The following CCDC178 variants were observed in gnomAD, a reference collection of about 807,000 sequenced individuals.
CCDC178 encodes the protein coiled-coil domain containing 178.
In CCDC178, 126 loss-of-function variants were observed where a neutral mutation model predicts 117.4. That is an observed-to-expected ratio of 1.07 (90% CI 0.93 to 1.24). The LOEUF (loss-of-function observed/expected upper bound fraction) is 1.24. CCDC178 is among the 50% of genes most tolerant of loss of function. The pLI, the probability that CCDC178 is intolerant of heterozygous loss-of-function variation, is 0.00. For synonymous variants in CCDC178, 283 were observed against 313.4 expected (o/e 0.90, Z 1.02); for missense variants, 1,030 against 986.9 (o/e 1.04, Z -0.59).
chr18:33,339,773 T>C (rs962144976), intron 9 of CCDC178, among the ~76,000 whole-genome samples: 12 of 152,076 alleles, frequency 7.9e-5, no homozygotes, highest in African/African-American at 2.9e-4. Context: ...TCCTCATTTT[T>C]CTCTTGCCAC....
At chr18:33,132,431 T>C (rs907657506) in intron 20 of CCDC178, among the ~76,000 whole-genome samples, 3 of 151,748 alleles carry the variant, frequency 2.0e-5, no homozygotes, top group Non-Finnish European at 3.0e-5. Flanking sequence ...TATTACGTTG[T>C]TTTTTCTTTT....
At chr18:33,168,705 G>A (rs996713761) in intron 20 of CCDC178, among the ~76,000 whole-genome samples, 24 of 152,214 alleles carry the variant, frequency 1.6e-4, no homozygotes, top group African/African-American at 4.6e-4. Context: ...TGTTTAACCC[G>A]AACTTACTTA....
intron 20 of CCDC178, among the ~76,000 whole-genome samples, chr18:33,150,913 G>A (rs2058333792): frequency 6.6e-6 from 1 of 152,062 alleles, no homozygotes; most frequent in African/African-American, 2.4e-5. Flanking sequence ...AATACTACTC[G>A]GGCATAAATA....
intron 21 of CCDC178, among the ~76,000 whole-genome samples, chr18:33,060,721 G>A (rs192431922): frequency 5.1e-4 from 78 of 152,042 alleles, no homozygotes; most frequent in Admixed American, 4.8e-3. Flanking sequence ...TTGTTCATTC[G>A]AAGTCTCTTT....
At chr18:33,325,991 T>C (rs2062579268) in intron 10 of CCDC178, among the ~76,000 whole-genome samples, 1 of 152,194 alleles carries the variant, frequency 6.6e-6, no homozygotes, top group Admixed American at 6.5e-5. Context: ...AAATGGTTAC[T>C]CCCTAGTCTC....
At chr18:33,179,431 T>A (rs1371382373) in intron 20 of CCDC178, among the ~76,000 whole-genome samples, 5 of 151,894 alleles carry the variant, frequency 3.3e-5, no homozygotes, top group Non-Finnish European at 7.4e-5. Context: ...ATGTTTTGTC[T>A]TCTTGTTGCA....
In CCDC178 at chr18:33,226,799, C is replaced by A; in HGVS notation, c.1650G>T (p.Val550=). ...LTQGEVAAGM[V]LQKKLYSIYE... The stretch of plus-strand genomic sequence containing the variant: ...AAAACCAAATCAGTATTACCTGAAG[C>A]ACCATTCCAGCAGCCACTTCACCTT... Residue 550 remains valine (V), a synonymous_variant, in exon 16 of 23, where the codon GTG becomes GTT. Transcript: ENST00000383096. 1 of 1,579,048 alleles carries A rather than the reference C, an allele frequency of 6.3e-7. No homozygotes were observed. The highest frequency in any genetic ancestry group is 8.6e-7 in the Non-Finnish European group (1 of 1,158,454).
intron 12 of CCDC178, among the ~76,000 whole-genome samples, chr18:33,291,633 A>G (rs2060167036): frequency 6.6e-6 from 1 of 152,292 alleles, no homozygotes; most frequent in Admixed American, 6.5e-5. Flanking sequence ...TTCTTATACA[A>G]CAGTGAATGA....
At chr18:33,244,247 T>G (rs1461355533) in intron 15 of CCDC178, among the ~76,000 whole-genome samples, 1 of 151,982 alleles carries the variant, frequency 6.6e-6, no homozygotes, top group Non-Finnish European at 1.5e-5. Context: ...TATTTTTTTT[T>G]GCTCATAAGT....
intron 9 of CCDC178, 97 bp from the exon 10 acceptor site, chr18:33,333,491 T>C: frequency 1.8e-6 from 1 of 567,130 alleles, no homozygotes; most frequent in Non-Finnish European, 2.8e-6. Context: ...AATTCCTTAT[T>C]TGTGAATCTT....
At chr18:33,030,536 G>GATAC (rs1567943405) in intron 21 of CCDC178, among the ~76,000 whole-genome samples, 9 of 151,602 alleles carry the variant, frequency 5.9e-5, no homozygotes, top group African/African-American at 2.2e-4. Context: ...TAGATAGATA[G>GATAC]ATAGATAGAT....
At chr18:33,350,232 C>T (rs901551802) in intron 7 of CCDC178, among the ~76,000 whole-genome samples, 6 of 151,816 alleles carry the variant, frequency 4.0e-5, no homozygotes, top group Non-Finnish European at 8.8e-5. Context: ...TTCTAAAGTT[C>T]GGTTAATTCT....
At chr18:33,081,089 T>A (rs1466711186) in intron 21 of CCDC178, among the ~76,000 whole-genome samples, 6 of 152,178 alleles carry the variant, frequency 3.9e-5, no homozygotes, top group Non-Finnish European at 2.9e-5. Context: ...CAGTAACTAG[T>A]GCCCAGGCTG....
At chr18:33,275,433 T>TACTA (rs145979110) in intron 12 of CCDC178, among the ~76,000 whole-genome samples, 10,367 of 151,716 alleles carry the variant, frequency 0.068, 550 homozygotes, top group African/African-American at 0.14. Flanking sequence ...TTGCAGTAGT[T>TACTA]ACTATTTTCA....
At chr18:33,039,008 T>G (rs1274612309) in intron 21 of CCDC178, among the ~76,000 whole-genome samples, 2 of 151,770 alleles carry the variant, frequency 1.3e-5, no homozygotes, top group Non-Finnish European at 2.9e-5. Flanking sequence ...AAACTACAAT[T>G]TACAAAATAC....
intron 12 of CCDC178, among the ~76,000 whole-genome samples, chr18:33,276,167 G>A (rs1386779211): frequency 6.6e-6 from 1 of 152,038 alleles, no homozygotes; most frequent in Non-Finnish European, 1.5e-5. Flanking sequence ...GTCTACTAAA[G>A]CTGAACATGT....
chr18:32,942,053 T>C (rs578028860), intron 22 of CCDC178, among the ~76,000 whole-genome samples: 1 of 152,216 alleles, frequency 6.6e-6, no homozygotes, highest in African/African-American at 2.4e-5. Flanking sequence ...GTTGATCACA[T>C]AAAGAGAAAA....
chr18:33,180,806 T>C (rs463489), intron 20 of CCDC178, among the ~76,000 whole-genome samples: 24,529 of 152,094 alleles, frequency 0.16, 2,764 homozygotes, highest in African/African-American at 0.32. Flanking sequence ...AAAACTTTAA[T>C]GTATTGCTTA....
intron 21 of CCDC178, among the ~76,000 whole-genome samples, chr18:33,077,144 T>G (rs762087854): frequency 2.2e-4 from 33 of 152,332 alleles, no homozygotes; most frequent in Non-Finnish European, 4.7e-4. Flanking sequence ...GAAATACTTT[T>G]GCATTTAAAG....
Sources: allele counts gnomAD v4.1 joint callset (sites outside exome capture counted in the v4.1 genomes callset), GRCh38; gene constraint gnomAD v4.1.1; transcripts MANE v1.5; gene names NCBI Gene and HGNC (gene_info 2026-07-23, HGNC 2026-07-21).